Variants in SVOP observed in about 807,000 individuals in gnomAD.
The protein encoded by SVOP is synaptic vesicle 2-related protein.
Under a neutral mutation model 69.1 loss-of-function variants are expected in SVOP, and 17 were observed. The ratio of observed to expected loss-of-function variants is 0.25; its 90% CI spans 0.17 to 0.37. The LOEUF is 0.37. Ranked by LOEUF, SVOP falls within the 10% of genes least tolerant of loss-of-function variation. The pLI is 1.00. For missense variants in SVOP, 435 were observed against 597.5 expected, an observed-to-expected ratio of 0.73 and a Z score of 2.84; for synonymous variants, 238 against 238.6, an observed-to-expected ratio of 1.00 and a Z score of 0.02.
chr12:108,996,286 C>T (rs745764893), intron 1 of SVOP, among the ~76,000 whole-genome samples: 11 of 152,124 alleles, frequency 7.2e-5, no homozygotes, highest in South Asian at 4.2e-4. Context: ...GGCCAGATGC[C>T]GAGGCTCATG....
intron 1 of SVOP, among the ~76,000 whole-genome samples, chr12:109,015,062 G>T (rs1467851148): frequency 6.6e-6 from 1 of 152,158 alleles, no homozygotes; most frequent in Non-Finnish European, 1.5e-5. Context: ...ATCCTGATGG[G>T]TATATGAGAG....
chr12:109,015,927 G>A (rs1196374160), intron 1 of SVOP, among the ~76,000 whole-genome samples: 3 of 152,100 alleles, frequency 2.0e-5, no homozygotes, highest in African/African-American at 7.2e-5. Context: ...GGAGCAGGTG[G>A]AGGACGGACG....
chr12:108,939,905 T>C (rs1475655638), intron 8 of SVOP, among the ~76,000 whole-genome samples: 2 of 152,210 alleles, frequency 1.3e-5, no homozygotes, highest in Admixed American at 1.3e-4. Context: ...TGTCTGTATG[T>C]AGAAGACTTC....
intron 7 of SVOP, among the ~76,000 whole-genome samples, chr12:108,941,996 C>T (rs1245963131): frequency 6.6e-6 from 1 of 152,160 alleles, no homozygotes; most frequent in African/African-American, 2.4e-5. Context: ...AATAACTCTC[C>T]ATTCCCCTCC....
intron 5 of SVOP, among the ~76,000 whole-genome samples, chr12:108,969,431 G>T (rs866697029): frequency 6.9e-6 from 1 of 144,192 alleles, no homozygotes; most frequent in Non-Finnish European, 1.5e-5. Flanking sequence ...GCCCAGGCTG[G>T]AGTGCAATGG....
chr12:108,917,435 C>T (rs1253492311), intron 14 of SVOP, among the ~76,000 whole-genome samples: 2 of 152,168 alleles, frequency 1.3e-5, no homozygotes, highest in Non-Finnish European at 2.9e-5. Context: ...GATCTACTTC[C>T]ACTGCCAGGA....
chr12:108,936,900 T>C (rs1425578655), intron 10 of SVOP: 3 of 214,244 alleles, frequency 1.4e-5, no homozygotes, highest in East Asian at 1.2e-4. Flanking sequence ...TGTTTTCTTT[T>C]AAAGTAGAGT....
At chr12:108,959,396 C>T in intron 6 of SVOP, among the ~76,000 whole-genome samples, 1 of 137,218 alleles carries the variant, frequency 7.3e-6, no homozygotes, top group Non-Finnish European at 1.5e-5. Flanking sequence ...CTCTGTCATT[C>T]AGGCTGGAGT....
intron 1 of SVOP, among the ~76,000 whole-genome samples, chr12:108,997,210 G>A (rs1453179560): frequency 6.6e-6 from 1 of 152,218 alleles, no homozygotes; most frequent in Non-Finnish European, 1.5e-5. Context: ...GGACGCACCT[G>A]GAAAATCGGG....
intron 11 of SVOP, among the ~76,000 whole-genome samples, chr12:108,925,823 C>G (rs2039776833): frequency 6.6e-6 from 1 of 152,102 alleles, no homozygotes; most frequent in Non-Finnish European, 1.5e-5. Context: ...TCACTTCCTT[C>G]AAGTCTTTGA....
chr12:108,929,888 T>C (rs1246898293), intron 11 of SVOP, among the ~76,000 whole-genome samples: 4 of 152,230 alleles, frequency 2.6e-5, no homozygotes, highest in African/African-American at 9.6e-5. Flanking sequence ...AAATACATAC[T>C]AAGTAAATGA....
chr12:108,939,576 A>G (rs973622500), intron 8 of SVOP, among the ~76,000 whole-genome samples: 2 of 152,214 alleles, frequency 1.3e-5, no homozygotes, highest in Admixed American at 1.3e-4. Flanking sequence ...GAGTTAGAAG[A>G]TCTGATTTAG....
chr12:108,977,313 G>T, intron 4 of SVOP, 85 bp downstream of exon 4: 1 of 1,447,242 alleles, frequency 6.9e-7, no homozygotes. Flanking sequence ...CTGAGCCTTC[G>T]GCAGCAGGAG....
intron 5 of SVOP, 75 bp downstream of exon 5, chr12:108,972,330 C>T (rs993702783): frequency 1.1e-5 from 16 of 1,414,254 alleles, no homozygotes; most frequent in African/African-American, 4.3e-5. Context: ...TAATGCAGAA[C>T]GGGTTTGCTA....
intron 1 of SVOP, among the ~76,000 whole-genome samples, chr12:108,989,577 T>C (rs1247167032): frequency 6.6e-6 from 1 of 152,040 alleles, no homozygotes; most frequent in African/African-American, 2.4e-5. Flanking sequence ...TACACCCTCA[T>C]ATGAGTCAGT....
chr12:108,958,575 T>C (rs748277626), intron 6 of SVOP, among the ~76,000 whole-genome samples: 47 of 152,120 alleles, frequency 3.1e-4, no homozygotes, highest in Non-Finnish European at 5.1e-4. Context: ...ATCCCCATCA[T>C]TAAGTGACGC....
rs1342741188 is a variant in SVOP, at chr12:108,907,915, C to T, written c.*4620G>A. On this transcript the variant is annotated 3_prime_UTR_variant, in exon 16 of 16. Coordinates refer to ENST00000610966, the MANE Select transcript of SVOP (RefSeq NM_018711.5). ...GTTTATGCACATGTCACTGCAGATTCCAGGCATACCAGCAATTGTCTGCAC... is the reference window on the plus strand; with the variant it reads ...GTTTATGCACATGTCACTGCAGATTTCAGGCATACCAGCAATTGTCTGCAC... The T allele has an allele frequency of 6.6e-6, 1 of 152,240 alleles. No homozygotes were observed. Among genetic ancestry groups the T allele is most frequent in the East Asian group, 1.9e-4 (1 of 5,206 alleles). 9.4% of individuals were successfully genotyped at this position (152,240 alleles called of 1,614,324 possible).
At chr12:108,917,739 C>T (rs983389471) in intron 14 of SVOP, among the ~76,000 whole-genome samples, 1 of 151,766 alleles carries the variant, frequency 6.6e-6, no homozygotes, top group African/African-American at 2.4e-5. Flanking sequence ...AACTCCTAGG[C>T]TCAAGTGATC....
At chr12:108,935,913 G>C (rs111376236) in intron 10 of SVOP, among the ~76,000 whole-genome samples, 391 of 152,172 alleles carry the variant, frequency 2.6e-3, no homozygotes, top group Non-Finnish European at 5.1e-3. Context: ...GAACTTAAAA[G>C]GATGCCCATG....
Sources: allele counts gnomAD v4.1 joint callset (sites outside exome capture counted in the v4.1 genomes callset), GRCh38; gene constraint gnomAD v4.1.1; transcripts MANE v1.5; gene names NCBI Gene and HGNC (gene_info 2026-07-23, HGNC 2026-07-21).